The following CNKSR3 variants were observed in gnomAD, a reference collection of about 807,000 sequenced individuals.
CNKSR3 encodes the protein connector enhancer of kinase suppressor of ras 3.
Under a neutral mutation model 67.7 loss-of-function variants are expected in CNKSR3, and 36 were observed. The observed-to-expected ratio is 0.53, with a 90% CI of 0.41 to 0.70. The LOEUF (loss-of-function observed/expected upper bound fraction) is 0.70. Among genes scored for constraint, CNKSR3 ranks in the 30% least tolerant of loss-of-function variants. The probability of loss-of-function intolerance (pLI) is 0.00; values close to 1 mark genes in which losing one functional copy is unlikely to be tolerated. For missense variants in CNKSR3, 630 were observed against 695.2 expected (o/e 0.91, Z 1.05); for synonymous variants, 281 against 271.4 (o/e 1.04, Z -0.35).
chr6:154,463,750 A>G (rs1786134041), intron 1 of CNKSR3, among the ~76,000 whole-genome samples: 1 of 152,118 alleles, frequency 6.6e-6, no homozygotes, highest in African/African-American at 2.4e-5. Flanking sequence ...AAGAGTATCT[A>G]GGCCTCTGGC....
chr6:154,459,695 G>A (rs868308552), intron 1 of CNKSR3, among the ~76,000 whole-genome samples: 5 of 152,180 alleles, frequency 3.3e-5, no homozygotes, highest in African/African-American at 1.2e-4. Flanking sequence ...TGAAGACATC[G>A]GAAGACGTAA....
chr6:154,421,043 T>G (rs1430193563), intron 9 of CNKSR3, among the ~76,000 whole-genome samples: 3 of 152,230 alleles, frequency 2.0e-5, no homozygotes, highest in Non-Finnish European at 2.9e-5. Flanking sequence ...AGACAGGGTC[T>G]CACTCTGTCA....
intron 1 of CNKSR3, among the ~76,000 whole-genome samples, chr6:154,504,865 A>T (rs1454705469): frequency 6.6e-6 from 1 of 151,596 alleles, no homozygotes; most frequent in Admixed American, 6.6e-5. Context: ...ATAAGTAAAG[A>T]AGTTTTATAA....
intron 1 of CNKSR3, among the ~76,000 whole-genome samples, chr6:154,475,462 C>T (rs998666189): frequency 6.6e-6 from 1 of 152,204 alleles, no homozygotes; most frequent in African/African-American, 2.4e-5. Flanking sequence ...CCATCTGCTG[C>T]GGCCCTTGCT....
intron 1 of CNKSR3, among the ~76,000 whole-genome samples, chr6:154,476,398 G>A (rs565113860): frequency 2.0e-5 from 3 of 151,272 alleles, no homozygotes; most frequent in East Asian, 3.9e-4. Flanking sequence ...CGGAGGTTGC[G>A]GTGAGCCGAG....
chr6:154,498,914 T>C (rs950629062), intron 1 of CNKSR3, among the ~76,000 whole-genome samples: 8 of 152,188 alleles, frequency 5.3e-5, no homozygotes, highest in Non-Finnish European at 1.0e-4. Flanking sequence ...GTGAGGAAGC[T>C]CAACTATTTT....
intron 12 of CNKSR3, among the ~76,000 whole-genome samples, chr6:154,409,786 G>C (rs190642658): frequency 1.8e-4 from 28 of 151,588 alleles, no homozygotes; most frequent in Middle Eastern, 3.5e-3. Context: ...GCACATCCCC[G>C]TAATTCCAGC....
In CNKSR3 at chr6:154,405,350, T is replaced by C. The variant is rs1349304498; in HGVS notation, c.*1004A>G. 4 of 152,638 alleles carry C rather than the reference T, an allele frequency of 2.6e-5. No homozygotes were observed. Among genetic ancestry groups the C allele is most frequent in the Non-Finnish European group, 5.9e-5 (4 of 68,038 alleles). 9.5% of individuals were successfully genotyped at this position (152,638 alleles called of 1,614,324 possible). ...ATTTAAAATACTTAAATTAACAAGA[T>C]AGTACTTTTCCATTCTAACAAAATA... On this transcript the variant is annotated 3_prime_UTR_variant, in exon 13 of 13. Transcript: ENST00000607772.
rs73574952 is a variant in CNKSR3 at position 154,445,540 on chromosome 6, A to G, written c.217-3250T>C. ...TGAAGAGTTTTGAACTAAAAGCAGG[A>G]AAGTCAGCTTTCAATAATCAATGTC... On this transcript the variant is annotated intron_variant, in intron 2 of 12. Transcript: ENST00000607772. Among the ~76,000 whole-genome samples the G allele has an allele frequency of 6.6e-3, 999 of 152,354 alleles. 14 individuals are homozygous for G. Among genetic ancestry groups the G allele is most frequent in the African/African-American group, 0.023 (962 of 41,584 alleles).
At position 154,391,776 on chromosome 6, in the gene CNKSR3, C is replaced by G. The variant is rs928604709; in HGVS notation, c.*14578G>C. 6.6e-6 allele frequency: 1 copy of G among 152,198 alleles called. No homozygotes were observed. Among genetic ancestry groups the G allele is most frequent in the African/African-American group, 2.4e-5 (1 of 41,434 alleles). The allele number at this position is 152,198 out of a possible 1,614,324, so 9.4% of individuals were successfully genotyped here. ...TGTAGAGATTTGGGCTAATGCAACT[C>G]TCTGTCACATACCTGTAGCTTCCTT... On this transcript the variant is annotated 3_prime_UTR_variant, in exon 13 of 13. Transcript: ENST00000607772.
chr6:154,407,886 A>AC (rs1554230768), intron 12 of CNKSR3, among the ~76,000 whole-genome samples: 1 of 151,168 alleles, frequency 6.6e-6, no homozygotes, highest in Non-Finnish European at 1.5e-5. Flanking sequence ...AAAAAAAAAA[A>AC]AAAAAAAAAC....
At position 154,402,664 on chromosome 6, in the gene CNKSR3, C is replaced by G. The variant is rs747072018; in HGVS notation, c.*3690G>C. On this transcript the variant is annotated 3_prime_UTR_variant, in exon 13 of 13. Coordinates refer to ENST00000607772, the MANE Select transcript of CNKSR3 (RefSeq NM_173515.4). ...AGGTATTAGAACAATGCCAGGCACA[C>G]AGCAAGCACTATATGAGTGAAGCCA... 5 of 152,212 alleles carry G rather than the reference C, an allele frequency of 3.3e-5. No individual in the cohort carries two copies. The highest frequency in any genetic ancestry group is 4.4e-5 in the Non-Finnish European group (3 of 68,044). The allele number at this position is 152,212 out of a possible 1,614,324, so 9.4% of individuals were successfully genotyped here.
intron 1 of CNKSR3, among the ~76,000 whole-genome samples, chr6:154,466,496 T>C (rs1049824347): frequency 6.6e-6 from 1 of 152,150 alleles, no homozygotes; most frequent in Non-Finnish European, 1.5e-5. Context: ...GGACCCAGCC[T>C]TGGCCCTTAT....
At chr6:154,447,212 A>G (rs925466475) in intron 2 of CNKSR3, among the ~76,000 whole-genome samples, 2 of 152,180 alleles carry the variant, frequency 1.3e-5, no homozygotes, top group Non-Finnish European at 2.9e-5. Flanking sequence ...CTATGCACAG[A>G]TGAAAATGTT....
chr6:154,439,391 C>G (rs1785536366), intron 4 of CNKSR3, among the ~76,000 whole-genome samples: 1 of 152,072 alleles, frequency 6.6e-6, no homozygotes, highest in Non-Finnish European at 1.5e-5. Context: ...CAGAAGTTCA[C>G]CCCGTGAAAC....
chr6:154,509,053 T>G (rs556776437), intron 1 of CNKSR3, among the ~76,000 whole-genome samples: 2 of 152,080 alleles, frequency 1.3e-5, no homozygotes, highest in East Asian at 3.9e-4. Context: ...ATTCTAGTTA[T>G]TACTGAGAAA....
chr6:154,430,681 A>C, intron 5 of CNKSR3, 90 bp from the exon 6 acceptor site: 1 of 1,262,050 alleles, frequency 7.9e-7, no homozygotes. Context: ...TTTCACCTAT[A>C]ATTGTTAGTT....
At chr6:154,407,244 C>G (rs1377953837) in intron 12 of CNKSR3, among the ~76,000 whole-genome samples, 1 of 152,192 alleles carries the variant, frequency 6.6e-6, no homozygotes, top group Non-Finnish European at 1.5e-5. Context: ...GATGGCTGAA[C>G]AGAACTGTTT....
chr6:154,396,877 G>GC lies in CNKSR3; in HGVS notation c.*9476dup, dbSNP rs1473761146. Reference sequence around the variant, plus strand: ...TGCAGTGGCGCAATCTCGGCTCACTGCAAGTTGCGCCTCCCGGGTTCACGC... The same window carrying GC: ...TGCAGTGGCGCAATCTCGGCTCACTGCCAAGTTGCGCCTCCCGGGTTCACGC... On this transcript the variant is annotated 3_prime_UTR_variant, in exon 13 of 13. Coordinates refer to ENST00000607772, the MANE Select transcript of CNKSR3 (RefSeq NM_173515.4). The GC allele has an allele frequency of 6.6e-6, 1 of 150,626 alleles. No homozygotes were observed. Among genetic ancestry groups the GC allele is most frequent in the Non-Finnish European group, 1.5e-5 (1 of 67,898 alleles). 9.3% of individuals were successfully genotyped at this position (150,626 alleles called of 1,614,324 possible).
Sources: allele counts gnomAD v4.1 joint callset (sites outside exome capture counted in the v4.1 genomes callset), GRCh38; gene constraint gnomAD v4.1.1; transcripts MANE v1.5; gene names NCBI Gene and HGNC (gene_info 2026-07-23, HGNC 2026-07-21).